PRDX1: variants seen among roughly 807,000 people sequenced by gnomAD.
PRDX1 encodes peroxiredoxin 1, also known as peroxiredoxin-1.
In PRDX1, 19 loss-of-function variants were observed where a neutral mutation model predicts 20.7. That is an observed-to-expected ratio of 0.92 (90% CI 0.64 to 1.35). The LOEUF (loss-of-function observed/expected upper bound fraction) is 1.35. Among genes scored for constraint, PRDX1 ranks in the 40% most tolerant of loss-of-function variants. PRDX1 has a pLI of 0.00. For missense variants in PRDX1, 226 were observed against 240.0 expected (o/e 0.94, Z 0.38); for synonymous variants, 89 against 83.9 (o/e 1.06, Z -0.33).
In PRDX1 at chr1:45,511,091, G is replaced by A; in HGVS notation, c.*238C>T. The A allele has an allele frequency of 1.1e-5, 4 of 368,098 alleles. No homozygotes were observed. Among genetic ancestry groups the A allele is most frequent in the East Asian group, 4.1e-5 (1 of 24,542 alleles). The allele number at this position is 368,098 out of a possible 1,614,324, so 22.8% of individuals were successfully genotyped here. On this transcript the variant is annotated 3_prime_UTR_variant, in exon 6 of 6. Coordinates refer to ENST00000319248, the MANE Select transcript of PRDX1 (RefSeq NM_181697.3). The stretch of plus-strand genomic sequence containing the variant: ...AATACAAACTACAAAAGATTAATGG[G>A]TTGCTCTACTAATACATCATACAAA...
At chr1:45,515,620 A>AAAG (rs755275173) in intron 3 of PRDX1, 34 bp downstream of exon 3, 1 of 1,494,150 alleles carries the variant, frequency 6.7e-7, no homozygotes, top group African/African-American at 1.5e-5. Flanking sequence ...AAAAAAAAAA[A>AAAG]AAGTTCACAT....
intron 2 of PRDX1, among the ~76,000 whole-genome samples, chr1:45,517,391 T>C (rs1001253222): frequency 5.3e-5 from 8 of 152,124 alleles, no homozygotes; most frequent in African/African-American, 1.9e-4. Flanking sequence ...CTAAGGAATC[T>C]ATATCCTCAA....
At chr1:45,522,219 G>A (rs549201141), upstream of PRDX1, among the ~76,000 whole-genome samples, 45 of 152,266 alleles carry the variant, frequency 3.0e-4, no homozygotes, top group Admixed American at 1.3e-3. Flanking sequence ...GCCCAAACTG[G>A]AGTAAGCGTC....
At chr1:45,520,991 A>T (rs1643907058) in intron 1 of PRDX1, among the ~76,000 whole-genome samples, 1 of 152,228 alleles carries the variant, frequency 6.6e-6, no homozygotes. Flanking sequence ...CAAGCAAAAG[A>T]AATTTTGTAA....
In PRDX1 at chr1:45,515,236, T is replaced by C. The variant is rs569045201; in HGVS notation, c.261-241A>G. Among the ~76,000 whole-genome samples the C allele has an allele frequency of 2.0e-5, 3 of 152,208 alleles. No homozygotes were observed. In the South Asian group the frequency reaches 6.2e-4, roughly 32 times the overall value. ...GAGAGCAATAAGAGAAAGTCAGACT[T>C]TGCACTCCCTTCAATGAGAAGGCAA... On this transcript the variant is annotated intron_variant, in intron 3 of 5. Transcript: ENST00000319248.
At chr1:45,516,726 G>A (rs921984746) in intron 2 of PRDX1, among the ~76,000 whole-genome samples, 1 of 152,088 alleles carries the variant, frequency 6.6e-6, no homozygotes, top group African/African-American at 2.4e-5. Flanking sequence ...AACAGGCTGG[G>A]TGTGGTGGCA....
intron 5 of PRDX1, 73 bp downstream of exon 5, chr1:45,514,434 C>A: frequency 6.4e-7 from 1 of 1,552,314 alleles, no homozygotes; most frequent in Non-Finnish European, 8.8e-7. Context: ...CGAGAAACAC[C>A]CACAGGTGTG....
chr1:45,517,916 T>C (rs1386497480), intron 2 of PRDX1, among the ~76,000 whole-genome samples: 5 of 140,366 alleles, frequency 3.6e-5, no homozygotes, highest in African/African-American at 7.8e-5. Flanking sequence ...AGCTGTGATA[T>C]ATACGTGACC....
At chr1:45,520,208 A>G (rs1367803160) in intron 1 of PRDX1, among the ~76,000 whole-genome samples, 1 of 86,100 alleles carries the variant, frequency 1.2e-5, no homozygotes, top group Non-Finnish European at 2.5e-5. Context: ...CTGTCTCCAA[A>G]AAAAAAAAAA....
At chr1:45,522,135 A>G (rs1643921083), upstream of PRDX1, among the ~76,000 whole-genome samples, 2 of 152,324 alleles carry the variant, frequency 1.3e-5, 1 homozygote. Flanking sequence ...CCGAACGCTT[A>G]GGTTAATCCT....
chr1:45,518,039 AAT>A (rs905270174), intron 2 of PRDX1, among the ~76,000 whole-genome samples: 1 of 151,936 alleles, frequency 6.6e-6, no homozygotes, highest in African/African-American at 2.4e-5. Flanking sequence ...CCAATAATAA[AAT>A]AGAGGAGGGC....
intron 3 of PRDX1, among the ~76,000 whole-genome samples, chr1:45,515,276 T>C (rs879709984): frequency 6.6e-6 from 1 of 152,106 alleles, no homozygotes; most frequent in Admixed American, 6.5e-5. Context: ...TGAAAGTCTA[T>C]TGCCAAAGCT....
chr1:45,516,408 G>T (rs1466030655), intron 2 of PRDX1, among the ~76,000 whole-genome samples: 1 of 152,136 alleles, frequency 6.6e-6, no homozygotes, highest in Non-Finnish European at 1.5e-5. Context: ...AGGATCCCTT[G>T]ACCCCAGGAG....
At chr1:45,521,308 G>A (rs1329598814) in intron 1 of PRDX1, among the ~76,000 whole-genome samples, 3 of 152,212 alleles carry the variant, frequency 2.0e-5, no homozygotes, top group Non-Finnish European at 4.4e-5. Flanking sequence ...CCAGCAGAGA[G>A]AGTGCTTCAG....
At chr1:45,519,122 T>G in intron 1 of PRDX1, 68 bp from the exon 2 acceptor site, 1 of 1,060,294 alleles carries the variant, frequency 9.4e-7, no homozygotes, top group South Asian at 1.5e-5. Flanking sequence ...CTTCACCTAC[T>G]TAAAGAGACT....
intron 2 of PRDX1, among the ~76,000 whole-genome samples, chr1:45,516,766 T>C (rs375448894): frequency 6.6e-6 from 1 of 151,716 alleles, no homozygotes; most frequent in East Asian, 1.9e-4. Flanking sequence ...TCCCAGCAGT[T>C]TGGGAGGCAG....
intron 2 of PRDX1, among the ~76,000 whole-genome samples, 187 bp downstream of exon 2, chr1:45,518,751 T>A (rs956493665): frequency 2.6e-5 from 4 of 152,212 alleles, no homozygotes; most frequent in Non-Finnish European, 5.9e-5. Context: ...CAGAAGTGGT[T>A]TGGTCCTAGG....
At chr1:45,512,940 C>T (rs1271668614) in intron 5 of PRDX1, 5 of 152,170 alleles carry the variant, frequency 3.3e-5, no homozygotes, top group Non-Finnish European at 7.3e-5. Flanking sequence ...CAAGCTAGCA[C>T]CTTTGGGTCT....
At chr1:45,519,373 T>C (rs1426164127) in intron 1 of PRDX1, among the ~76,000 whole-genome samples, 3 of 152,244 alleles carry the variant, frequency 2.0e-5, no homozygotes, top group Admixed American at 1.3e-4. Flanking sequence ...TTATTCATTA[T>C]ACAGAAGCAG....
Sources: gnomAD v4.1 joint callset for allele counts (sites outside exome capture counted in the v4.1 genomes callset) on GRCh38, gnomAD v4.1.1 for gene constraint, MANE v1.5 for transcripts, NCBI Gene and HGNC (gene_info 2026-07-23, HGNC 2026-07-21) for gene names.